FSTL5: variants seen among roughly 807,000 people sequenced by gnomAD.
The protein encoded by FSTL5 is follistatin like 5.
FSTL5 carries 62 observed loss-of-function variants against 89.1 expected under a neutral mutation model. The ratio of observed to expected loss-of-function variants is 0.70; its 90% CI spans 0.57 to 0.86. The LOEUF is 0.86. Ranked by LOEUF, FSTL5 falls within the 40% of genes least tolerant of loss-of-function variation. FSTL5 has a pLI of 0.00. For missense variants in FSTL5, 1,057 were observed against 1,001.6 expected, an observed-to-expected ratio of 1.06 and a Z score of -0.75; for synonymous variants, 383 against 346.2, an observed-to-expected ratio of 1.11 and a Z score of -1.18.
chr4:161,690,540 ATTCT>A (rs1737900586), intron 6 of FSTL5, among the ~76,000 whole-genome samples: 1 of 152,058 alleles, frequency 6.6e-6, no homozygotes, highest in Non-Finnish European at 1.5e-5. Context: ...AGCTGCAAGA[ATTCT>A]TTGTGTATTC....
chr4:161,719,164 C>A (rs1183924399), intron 6 of FSTL5, among the ~76,000 whole-genome samples: 1 of 152,134 alleles, frequency 6.6e-6, no homozygotes, highest in Non-Finnish European at 1.5e-5. Flanking sequence ...CATTTGCATG[C>A]AGATATCCTG....
At chr4:161,981,317 A>G (rs1490595965) in intron 3 of FSTL5, among the ~76,000 whole-genome samples, 1 of 152,088 alleles carries the variant, frequency 6.6e-6, no homozygotes, top group African/African-American at 2.4e-5. Flanking sequence ...TAAAAGATAA[A>G]GAAAATGCTT....
At chr4:161,604,341 A>G (rs1194103355) in intron 7 of FSTL5, among the ~76,000 whole-genome samples, 1 of 152,180 alleles carries the variant, frequency 6.6e-6, no homozygotes, top group African/African-American at 2.4e-5. Flanking sequence ...TCATTTAGGA[A>G]CCAATCAATC....
chr4:161,916,140 G>A (rs1456488271), intron 4 of FSTL5, among the ~76,000 whole-genome samples: 8 of 152,072 alleles, frequency 5.3e-5, no homozygotes, highest in African/African-American at 1.4e-4. Flanking sequence ...TGCACAGATC[G>A]CTGTGACAAC....
intron 3 of FSTL5, chr4:162,032,792 T>C (rs1262617379): frequency 6.6e-6 from 1 of 152,170 alleles, no homozygotes; most frequent in East Asian, 1.9e-4. Context: ...TTTTTAATTT[T>C]TGTAGAACAC....
At chr4:162,082,820 C>CT (rs34774825) in intron 2 of FSTL5, among the ~76,000 whole-genome samples, 4,735 of 146,890 alleles carry the variant, frequency 0.032, 144 homozygotes, top group East Asian at 0.088. Context: ...TTTCTTTTCT[C>CT]TTTTTTTTTT....
chr4:162,068,022 T>C (rs1451489822), intron 2 of FSTL5, among the ~76,000 whole-genome samples: 1 of 151,790 alleles, frequency 6.6e-6, no homozygotes, highest in Non-Finnish European at 1.5e-5. Context: ...AGGAGAACTA[T>C]GAACCAGAGC....
At chr4:161,663,889 C>A (rs532991782) in intron 6 of FSTL5, among the ~76,000 whole-genome samples, 145 of 152,334 alleles carry the variant, frequency 9.5e-4, no homozygotes, top group Middle Eastern at 3.4e-3. Context: ...GTTCCCCAAT[C>A]CCAATTCCTG....
At chr4:161,550,148 G>A (rs1452605372) in intron 8 of FSTL5, among the ~76,000 whole-genome samples, 4 of 151,848 alleles carry the variant, frequency 2.6e-5, no homozygotes, top group African/African-American at 7.3e-5. Flanking sequence ...GTCCATAGTT[G>A]GGACTGTATC....
chr4:161,693,066 C>T (rs1340584071), intron 6 of FSTL5, among the ~76,000 whole-genome samples: 1 of 152,084 alleles, frequency 6.6e-6, no homozygotes, highest in Non-Finnish European at 1.5e-5. Context: ...AATTGTGACA[C>T]AATTTTTGTT....
chr4:162,103,952 CAA>C (rs1731104740), intron 2 of FSTL5, among the ~76,000 whole-genome samples: 1 of 152,190 alleles, frequency 6.6e-6, no homozygotes, highest in Non-Finnish European at 1.5e-5. Context: ...CTGGCAAGGG[CAA>C]CCCCCTTTGG....
chr4:161,466,521 C>T (rs144380500), intron 13 of FSTL5, among the ~76,000 whole-genome samples: 300 of 152,238 alleles, frequency 2.0e-3, no homozygotes, highest in African/African-American at 6.4e-3. Context: ...CAAGATAATA[C>T]GCTAATGGCT....
At chr4:161,839,982 A>G (rs1271319373) in intron 4 of FSTL5, among the ~76,000 whole-genome samples, 1 of 152,208 alleles carries the variant, frequency 6.6e-6, no homozygotes, top group Non-Finnish European at 1.5e-5. Context: ...TGACAGATAG[A>G]CGGTTAAAAA....
chr4:161,408,093 T>A (rs1209999366), intron 15 of FSTL5, among the ~76,000 whole-genome samples: 1 of 152,120 alleles, frequency 6.6e-6, no homozygotes, highest in Admixed American at 6.5e-5. Context: ...TGTCCCTCCA[T>A]CCGCAGGGTT....
At chr4:161,644,726 T>C (rs1736087226) in intron 7 of FSTL5, among the ~76,000 whole-genome samples, 1 of 152,088 alleles carries the variant, frequency 6.6e-6, no homozygotes, top group Non-Finnish European at 1.5e-5. Context: ...AAAGGGAAAG[T>C]GAAATGGTCA....
chr4:161,467,766 T>A (rs570140926), intron 13 of FSTL5, among the ~76,000 whole-genome samples: 1 of 152,258 alleles, frequency 6.6e-6, no homozygotes, highest in Admixed American at 6.5e-5. Flanking sequence ...AAGAGAGTTA[T>A]GGAACTCATT....
At chr4:161,503,146 T>G (rs1730358010) in intron 11 of FSTL5, among the ~76,000 whole-genome samples, 1 of 151,712 alleles carries the variant, frequency 6.6e-6, no homozygotes, top group African/African-American at 2.4e-5. Context: ...AGATAATAAT[T>G]ATACTATGTC....
chr4:161,759,521 T>C lies in FSTL5; in HGVS notation c.617A>G (p.Gln206Arg). 1 of 1,552,458 alleles carries C rather than the reference T, an allele frequency of 6.4e-7. No homozygotes were observed. The highest frequency in any genetic ancestry group is 2.4e-5 in the East Asian group (1 of 42,060). Residue 206 changes from glutamine to arginine, a missense_variant, in exon 6 of 16, where the codon CAG becomes CGG. By Grantham distance (43) the Gln-to-Arg change is conservative. This residue lies in a region of FSTL5 where 980 missense variants were observed against 903.2 expected (regional missense o/e 1.08). Coordinates refer to ENST00000306100, the MANE Select transcript of FSTL5 (RefSeq NM_020116.5). Reference protein sequence around the residue: ...DINELTQVIKQEELGKDLFDC... With the variant: ...DINELTQVIKREELGKDLFDC... ...AAAGAGATCCTTGCCAAGTTCTTCC[T>C]GTTTTATCACCTAACAAGAAAATTA...
At position 161,743,022 on chromosome 4, in the gene FSTL5, C is replaced by A. The variant is rs564834301; in HGVS notation, c.727+16389G>T. Among the ~76,000 whole-genome samples the A allele has an allele frequency of 9.2e-5, 14 of 152,140 alleles. No homozygotes were observed. The South Asian group carries it at 2.7e-3, about 29-fold the overall frequency. On this transcript the variant is annotated intron_variant, in intron 6 of 15. Transcript: ENST00000306100. ...TACCATTCCTTGGGTGGTCTTTTCACTCTGTTGATAGTGTTCTTTGATGCA... is the reference window on the plus strand; with the variant it reads ...TACCATTCCTTGGGTGGTCTTTTCAATCTGTTGATAGTGTTCTTTGATGCA...
Sources: allele counts gnomAD v4.1 joint callset (sites outside exome capture counted in the v4.1 genomes callset), GRCh38; gene constraint gnomAD v4.1.1; regional missense constraint gnomAD v4.1.1; transcripts MANE v1.5; gene names NCBI Gene and HGNC (gene_info 2026-07-23, HGNC 2026-07-21).